IPO4: variants seen among roughly 807,000 people sequenced by gnomAD.
IPO4 encodes the protein importin 4, also known as importin-4.
Under a neutral mutation model 133.5 loss-of-function variants are expected in IPO4, and 91 were observed. The ratio of observed to expected loss-of-function variants is 0.68; its 90% confidence interval spans 0.58 to 0.81. IPO4 has a LOEUF of 0.81. Among genes scored for constraint, IPO4 ranks in the 30% least tolerant of loss-of-function variants. The pLI is 0.00. For missense variants in IPO4, 1,279 were observed against 1,386.2 expected, an observed-to-expected ratio of 0.92 and a Z score of 1.23; for synonymous variants, 607 against 581.6, an observed-to-expected ratio of 1.04 and a Z score of -0.63.
At position 24,188,777 on chromosome 14, in the gene IPO4, G is replaced by C; in HGVS notation, c.11C>G (p.Ala4Gly). The change falls in exon 1 of 30, where the codon GCC (alanine) becomes GGC (glycine). Residue 4 changes from alanine to glycine, a missense_variant. This residue lies in a region of IPO4 where 695 missense variants were observed against 704.1 expected (regional missense o/e 0.99). Transcript: ENST00000354464. Reference protein sequence around the residue: MESAGLEQLLRELL... With the variant: MESGGLEQLLRELL... Reference sequence around the variant, plus strand: ...CTCCCGTAGGAGCTGCTCTAGCCCGGCTGACTCCATGGCAGCAACTGAGCC... The same window carrying C: ...CTCCCGTAGGAGCTGCTCTAGCCCGCCTGACTCCATGGCAGCAACTGAGCC... The C allele has an allele frequency of 6.6e-7, 1 of 1,511,138 alleles. No homozygotes were observed. Among genetic ancestry groups the C allele is most frequent in the African/African-American group, 1.4e-5 (1 of 71,564 alleles). The allele number at this position is 1,511,138 out of a possible 1,614,324, so 93.6% of individuals were successfully genotyped here.
rs374188236 is a variant in IPO4, at chr14:24,187,654, C to G, written c.408+13G>C. ...CTCTCAGGCCCTCCCTCCTGCCAAC[C>G]ATGTGATGGTACCTCTCTCTCTGGG... On this transcript the variant is annotated intron_variant, in intron 5 of 29. Coordinates refer to ENST00000354464, the MANE Select transcript of IPO4 (RefSeq NM_024658.4). 4 of 1,613,696 alleles carry G rather than the reference C, an allele frequency of 2.5e-6. No homozygotes were observed. The African/African-American group carries it at 5.3e-5, about 22-fold the overall frequency.
Position 24,185,990 on chromosome 14 carries a change from G to T in IPO4, c.1060-20C>A. Reference sequence around the variant, plus strand: ...GGGCATCTAGGGAAGCATGTGGCACGCTTCTGAAACCCCAGCAAGAGCCTG... The same window carrying T: ...GGGCATCTAGGGAAGCATGTGGCACTCTTCTGAAACCCCAGCAAGAGCCTG... On this transcript the variant is annotated intron_variant, in intron 11 of 29. Transcript: ENST00000354464. The T allele has an allele frequency of 6.2e-7, 1 of 1,609,286 alleles. No homozygotes were observed. The highest frequency in any genetic ancestry group is 2.2e-5 in the East Asian group (1 of 44,850).
chr14:24,182,555 C>A, intron 24 of IPO4, 152 bp from the exon 25 acceptor site: 1 of 1,144,148 alleles, frequency 8.7e-7, no homozygotes, highest in Non-Finnish European at 1.2e-6. Context: ...CATGACCCAG[C>A]TTCTTCCCCT....
chr14:24,183,349 G>A lies in IPO4; in HGVS notation c.2128C>T (p.His710Tyr), dbSNP rs1363839475. Residue 710 changes from histidine (H) to tyrosine (Y), a missense_variant, in exon 22 of 30, where the codon CAC becomes TAC. Physicochemically the swap from His to Tyr is moderately conservative, Grantham distance 83. This residue lies in a region of IPO4 where 575 missense variants were observed against 653.4 expected (regional missense o/e 0.88). Transcript: ENST00000354464. Reference protein sequence around the residue: ...EEVFKLLECPHLNVRKAAHEA... With the variant: ...EEVFKLLECPYLNVRKAAHEA... ...TGGGCTGCCTTCCGCACATTCAGGT[G>A]AGGGCACTGCAGGATGAGGAGGGGC... 4 of 1,609,400 alleles carry A rather than the reference G, an allele frequency of 2.5e-6. No homozygotes were observed. Among genetic ancestry groups the A allele is most frequent in the Non-Finnish European group, 3.4e-6 (4 of 1,177,652 alleles).
rs1594437534 is a variant in IPO4, at chr14:24,182,332, T to C, written c.2544A>G (p.Gly848=). 2 of 1,613,140 alleles carry C rather than the reference T, an allele frequency of 1.2e-6. No individual in the cohort carries two copies. Among genetic ancestry groups the C allele is most frequent in the Non-Finnish European group, 8.5e-7 (1 of 1,179,818 alleles). ...CGGCAAAGAATGGGGCAAAGGAGTC[T>C]CCCCCAGCCGCGGCTGCCAGGGCAG... is the stretch of plus-strand genomic sequence containing the variant. ...AIPALAAAAG[G]DSFAPFFAGF... The change falls in exon 25 of 30, where the codon GGA becomes GGG. Residue 848 remains glycine, a synonymous_variant. Coordinates refer to ENST00000354464, the MANE Select transcript of IPO4 (RefSeq NM_024658.4).
chr14:24,185,379 G>A (rs2039204329), intron 13 of IPO4, 67 bp from the exon 14 acceptor site: 1 of 1,611,958 alleles, frequency 6.2e-7, no homozygotes. Flanking sequence ...AGTGCTGATG[G>A]CAGCAGGGAT....
At position 24,185,480 on chromosome 14, in the gene IPO4, G is replaced by A. The variant is rs747169648; in HGVS notation, c.1257C>T (p.Gly419=). The part of the protein sequence containing the change: ...VVRNAALFAL[G]QFSENLQPHI... Reference sequence around the variant, plus strand: ...TCACCTGTAGGTTTTCTGAGAACTGGCCCAGGGCAAACAGCGCAGCATTGC... The same window carrying A: ...TCACCTGTAGGTTTTCTGAGAACTGACCCAGGGCAAACAGCGCAGCATTGC... The change falls in exon 13 of 30, where the codon GGC becomes GGT. Residue 419 remains glycine, a synonymous_variant. Transcript: ENST00000354464. The A allele has an allele frequency of 6.2e-7, 1 of 1,614,166 alleles. No homozygotes were observed. Among genetic ancestry groups the A allele is most frequent in the Non-Finnish European group, 8.5e-7 (1 of 1,179,996 alleles).
rs753932267 is a variant in IPO4, at chr14:24,185,893, C to T, written c.1137G>A (p.Leu379=). The T allele has an allele frequency of 3.4e-5, 55 of 1,613,854 alleles. No individual in the cohort carries two copies. The South Asian group carries it at 4.5e-4, about 13-fold the overall frequency. The change falls in exon 12 of 30, where the codon CTG becomes CTA. Residue 379 remains leucine (L), a synonymous_variant. Coordinates refer to ENST00000354464, the MANE Select transcript of IPO4 (RefSeq NM_024658.4). ...TGATGTGGTCGCCAGCTCCGTCAGA[C>T]AGCACGGCCAGCACCAGGAGTCCAG... ...RKAGLLVLAV[L]SDGAGDHIRQ...
In IPO4 at chr14:24,180,487, A is replaced by AGGCAGTGAGCCCAGAGCTGCTT; in HGVS notation, c.3179_3200dup (p.Val1068SerfsTer9). The AGGCAGTGAGCCCAGAGCTGCTT allele has an allele frequency of 6.2e-7, 1 of 1,613,868 alleles. No individual in the cohort carries two copies. Among genetic ancestry groups the AGGCAGTGAGCCCAGAGCTGCTT allele is most frequent in the Non-Finnish European group, 8.5e-7 (1 of 1,179,852 alleles). Reference sequence around the variant, plus strand: ...CCTGGAGCTCCTGAGCCTTGTCAACAGGCAGTGAGCCCAGAGCTGCTTGAA... The same window carrying AGGCAGTGAGCCCAGAGCTGCTT: ...CCTGGAGCTCCTGAGCCTTGTCAACAGGCAGTGAGCCCAGAGCTGCTTGGCAGTGAGCCCAGAGCTGCTTGAA... On this transcript the variant is annotated frameshift_variant, in exon 30 of 30. Transcript: ENST00000354464. LOFTEE classifies it high-confidence loss of function.
Position 24,185,964 on chromosome 14 carries a change from T to C in IPO4, c.1066A>G (p.Met356Val). ...TCGCTCCGCAAAGCCTCTTCCAACA[T>C]GGGCATCTAGGGAAGCATGTGGCAC... ...PEKLCPQLMP[M>V]LEEALRSESP... Residue 356 changes from methionine (M) to valine (V), a missense_variant, in exon 12 of 30, where the codon ATG (methionine) becomes GTG (valine). Physicochemically the swap from Met to Val is conservative, Grantham distance 21 (BLOSUM62 1). Around this residue, in one of 3 missense-constraint regions of IPO4, gnomAD observed 695 missense variants for 704.1 expected, o/e 0.99. Transcript: ENST00000354464. 2 of 1,613,928 alleles carry C rather than the reference T, an allele frequency of 1.2e-6. No individual in the cohort carries two copies. The highest frequency in any genetic ancestry group is 1.1e-5 in the South Asian group (1 of 91,076).
Position 24,185,212 on chromosome 14 carries a change from T to C in IPO4, c.1379A>G (p.Tyr460Cys), listed in dbSNP as rs111837379. 12 of 1,614,116 alleles carry C rather than the reference T, an allele frequency of 7.4e-6. No individual in the cohort carries two copies. The highest frequency in any genetic ancestry group is 1.6e-4 in the Middle Eastern group (1 of 6,062). ...GHTHHLAKAC[Y>C]ALENFVENLG... is the part of the protein sequence containing the mutation. ...GTTCTCCACAAAATTCTCCAGGGCA[T>C]AGCAGGCCTTGGCTAGGTGGTGTGT... is the stretch of plus-strand genomic sequence containing the variant. The change falls in exon 14 of 30, where the codon TAT becomes TGT. Residue 460 changes from tyrosine (Y) to cysteine (C), a missense_variant. Tyr to Cys is a radical substitution (Grantham distance 194). This residue lies in a region of IPO4 where 695 missense variants were observed against 704.1 expected (regional missense o/e 0.99). Coordinates refer to ENST00000354464, the MANE Select transcript of IPO4 (RefSeq NM_024658.4).
chr14:24,182,508 G>A, intron 24 of IPO4, 105 bp from the exon 25 acceptor site: 1 of 1,466,424 alleles, frequency 6.8e-7, no homozygotes, highest in Admixed American at 2.0e-5. Flanking sequence ...GGCTGCCCTT[G>A]GTTGATAGGG....
At chr14:24,186,075 G>A in intron 11 of IPO4, 54 bp downstream of exon 11, 1 of 1,607,046 alleles carries the variant, frequency 6.2e-7, no homozygotes, top group Non-Finnish European at 8.5e-7. Context: ...TTGGCCTCAG[G>A]GGGACTAGGC....
At chr14:24,186,036 C>T (rs917951092) in intron 11 of IPO4, 66 bp from the exon 12 acceptor site, 6 of 1,592,396 alleles carry the variant, frequency 3.8e-6, no homozygotes, top group African/African-American at 2.7e-5. Flanking sequence ...TGGTAATAGG[C>T]CTTCACACCT....
Position 24,188,806 on chromosome 14 carries a change from G to C in IPO4, c.-19C>G, listed in dbSNP as rs536015408. On this transcript the variant is annotated 5_prime_UTR_variant, in exon 1 of 30. Coordinates refer to ENST00000354464, the MANE Select transcript of IPO4 (RefSeq NM_024658.4). ...ACTCCATGGCAGCAACTGAGCCGCC[G>C]CTACTGGGCCGAAAAGGGGAGGGGG... 27 of 1,488,334 alleles carry C rather than the reference G, an allele frequency of 1.8e-5. No individual in the cohort carries two copies. The highest frequency in any genetic ancestry group is 2.4e-5 in the Admixed American group (1 of 41,114). The allele number at this position is 1,488,334 out of a possible 1,614,324, so 92.2% of individuals were successfully genotyped here.
chr14:24,182,733 CCT>C, intron 24 of IPO4, 57 bp downstream of exon 24: 3 of 1,588,790 alleles, frequency 1.9e-6, no homozygotes, highest in Admixed American at 1.7e-5. Context: ...ACTGTCCACC[CCT>C]GTCCCTGTGG....
At position 24,185,448 on chromosome 14, in the gene IPO4, G is replaced by A. The variant is rs1282914553; in HGVS notation, c.1278+11C>T. On this transcript the variant is annotated intron_variant, in intron 13 of 29. Transcript: ENST00000354464. ...ATTCAAGTGGTGGCTCCCACATTCA[G>A]CCTGGTTCACCTGTAGGTTTTCTGA... The A allele has an allele frequency of 6.2e-7, 1 of 1,613,294 alleles. No individual in the cohort carries two copies.
intron 11 of IPO4, 39 bp from the exon 12 acceptor site, chr14:24,186,009 G>A (rs773789805): frequency 6.2e-7 from 1 of 1,604,256 alleles, no homozygotes; most frequent in South Asian, 1.1e-5. Context: ...ACCCCAGCAA[G>A]AGCCTGCCCA....
chr14:24,185,013 C>G (rs777054231), intron 14 of IPO4, 33 bp from the exon 15 acceptor site: 2 of 1,605,212 alleles, frequency 1.2e-6, no homozygotes, highest in South Asian at 1.1e-5. Context: ...ACCAACCAAC[C>G]CAGGTCTGCT....
Sources: gnomAD v4.1 joint callset for allele counts on GRCh38, gnomAD v4.1.1 for gene constraint, gnomAD v4.1.1 regional missense constraint, MANE v1.5 for transcripts, NCBI Gene and HGNC (gene_info 2026-07-23, HGNC 2026-07-21) for gene names.